DISC1: variants seen among roughly 807,000 people sequenced by gnomAD.
DISC1 encodes disrupted in schizophrenia 1 protein.
A neutral mutation model predicts 84.5 loss-of-function variants in DISC1; 57 were observed. The ratio of observed to expected loss-of-function variants is 0.67; its 90% CI spans 0.55 to 0.84. The LOEUF (loss-of-function observed/expected upper bound fraction) is 0.84, where lower values mean the gene tolerates loss of function less well. DISC1 is among the 40% of genes least tolerant of loss of function. The pLI is 0.00. For synonymous variants in DISC1, 411 were observed against 415.2 expected (o/e 0.99, Z 0.12); for missense variants, 1,000 against 1,057.8 (o/e 0.95, Z 0.76).
intron 8 of DISC1, among the ~76,000 whole-genome samples, chr1:231,817,666 T>A (rs1029532767): frequency 6.6e-5 from 10 of 152,192 alleles, no homozygotes; most frequent in African/African-American, 9.7e-5. Flanking sequence ...TTGTATTTTT[T>A]AAAAAATCAT....
In DISC1 at chr1:231,762,171, CCCTT is replaced by C. The variant is rs780649034; in HGVS notation, c.1269-4959_1269-4956del. ...CTTCTTTCTTTTTCTTTCTTTCTTT[CCCTT>C]CCTTCCTTCTTTTCTTTCTTTTCTT... On this transcript the variant is annotated intron_variant, in intron 4 of 12. Transcript: ENST00000439617. 6.0e-3 allele frequency among the ~76,000 whole-genome samples: 339 copies of C among 56,748 alleles called. 2 individuals are homozygous for C. Among genetic ancestry groups the C allele is most frequent in the Non-Finnish European group, 8.4e-3 (237 of 28,310 alleles). 37.2% of individuals were successfully genotyped at this position (56,748 alleles called of 152,430 possible). A position where few individuals can be genotyped will look rare whatever the true frequency, so the allele number is the denominator to read the frequency against.
At chr1:231,995,113 G>A (rs965020036) in intron 10 of DISC1, among the ~76,000 whole-genome samples, 4 of 152,144 alleles carry the variant, frequency 2.6e-5, no homozygotes, top group African/African-American at 9.6e-5. Context: ...TTAGAAAATA[G>A]AAGACAAAGG....
At chr1:231,752,334 TGGTGGAA>T (rs950207361) in intron 4 of DISC1, among the ~76,000 whole-genome samples, 1 of 152,046 alleles carries the variant, frequency 6.6e-6, no homozygotes, top group African/African-American at 2.4e-5. Context: ...CTTACAATCA[TGGTGGAA>T]GGTGAAAGGG....
chr1:231,827,456 AT>A (rs1278175002), intron 9 of DISC1, among the ~76,000 whole-genome samples: 4 of 152,112 alleles, frequency 2.6e-5, no homozygotes, highest in Non-Finnish European at 5.9e-5. Flanking sequence ...GGTAAGAAAT[AT>A]TTTGTTTTCC....
At chr1:231,883,746 C>T (rs539410869) in intron 9 of DISC1, among the ~76,000 whole-genome samples, 13 of 152,230 alleles carry the variant, frequency 8.5e-5, no homozygotes, top group African/African-American at 3.1e-4. Flanking sequence ...CACTTGCTGG[C>T]TTCTCTAACT....
intron 3 of DISC1, among the ~76,000 whole-genome samples, chr1:231,732,704 C>T (rs2071684067): frequency 6.6e-6 from 1 of 152,236 alleles, no homozygotes; most frequent in Non-Finnish European, 1.5e-5. Flanking sequence ...GAATGTTTCT[C>T]TTTCTCCAGT....
At chr1:231,799,715 T>C (rs2079036772) in intron 7 of DISC1, among the ~76,000 whole-genome samples, 1 of 151,550 alleles carries the variant, frequency 6.6e-6, no homozygotes, top group Non-Finnish European at 1.5e-5. Flanking sequence ...TACCTTGTGG[T>C]TGCTCTCTGT....
intron 1 of DISC1, among the ~76,000 whole-genome samples, chr1:231,654,849 T>C (rs948951493): frequency 2.2e-4 from 34 of 152,222 alleles, no homozygotes; most frequent in African/African-American, 7.5e-4. Flanking sequence ...CTCACCCTAA[T>C]ACCCTTTTCT....
At chr1:231,783,629 A>G (rs1445133526) in intron 6 of DISC1, among the ~76,000 whole-genome samples, 1 of 152,212 alleles carries the variant, frequency 6.6e-6, no homozygotes, top group Non-Finnish European at 1.5e-5. Flanking sequence ...ATTTTTGATG[A>G]AACTGGACTT....
chr1:232,021,704 A>G (rs1156390967), intron 11 of DISC1, among the ~76,000 whole-genome samples: 1 of 152,090 alleles, frequency 6.6e-6, no homozygotes, highest in Non-Finnish European at 1.5e-5. Flanking sequence ...CCCCTGTTTT[A>G]CCTACTATGG....
intron 1 of DISC1, among the ~76,000 whole-genome samples, chr1:231,676,117 G>A (rs1261286721): frequency 6.6e-6 from 1 of 152,190 alleles, no homozygotes; most frequent in African/African-American, 2.4e-5. Flanking sequence ...AAAATGCTGG[G>A]ATTACAGGCA....
chr1:231,850,379 T>C (rs1246460182), intron 9 of DISC1, among the ~76,000 whole-genome samples: 2 of 152,264 alleles, frequency 1.3e-5, no homozygotes, highest in Non-Finnish European at 2.9e-5. Context: ...CTGTTGCCTT[T>C]TGAAAGACAT....
At chr1:231,730,883 T>C (rs1440772795) in intron 3 of DISC1, among the ~76,000 whole-genome samples, 2 of 152,210 alleles carry the variant, frequency 1.3e-5, no homozygotes. Context: ...CTAAATTCAA[T>C]TAAAATGAAG....
chr1:231,717,350 A>G (rs980976754), intron 3 of DISC1, among the ~76,000 whole-genome samples: 1 of 152,222 alleles, frequency 6.6e-6, no homozygotes, highest in African/African-American at 2.4e-5. Context: ...AGAAAGTTAT[A>G]GGAGGGATTG....
chr1:231,781,131 C>T (rs1399062141), intron 6 of DISC1, among the ~76,000 whole-genome samples: 6 of 126,366 alleles, frequency 4.7e-5, no homozygotes, highest in Admixed American at 1.9e-4. Context: ...GCACAATGTG[C>T]ACATGTACCC....
At chr1:231,815,604 G>A (rs1301356690) in intron 8 of DISC1, among the ~76,000 whole-genome samples, 1 of 152,034 alleles carries the variant, frequency 6.6e-6, no homozygotes, top group Admixed American at 6.6e-5. Flanking sequence ...TGGGCGTGGT[G>A]GTGGGCACTT....
intron 2 of DISC1, among the ~76,000 whole-genome samples, chr1:231,699,819 C>T (rs2124863170): frequency 6.6e-6 from 1 of 152,352 alleles, no homozygotes; most frequent in Non-Finnish European, 1.5e-5. Context: ...CTTCTTGACA[C>T]AGTCCTCATT....
At chr1:231,845,186 T>G (rs1359012089) in intron 9 of DISC1, among the ~76,000 whole-genome samples, 1 of 152,142 alleles carries the variant, frequency 6.6e-6, no homozygotes, top group Non-Finnish European at 1.5e-5. Context: ...CTGGTTAAAT[T>G]TTAGAGTTCT....
intron 1 of DISC1, among the ~76,000 whole-genome samples, chr1:231,656,056 T>C (rs931736978): frequency 2.6e-5 from 4 of 152,230 alleles, no homozygotes; most frequent in Non-Finnish European, 4.4e-5. Flanking sequence ...GTGTGTTTAC[T>C]CTAATGATTA....
Sources: gnomAD v4.1 joint callset for allele counts (sites outside exome capture counted in the v4.1 genomes callset) on GRCh38, gnomAD v4.1.1 for gene constraint, MANE v1.5 for transcripts, NCBI Gene and HGNC (gene_info 2026-07-23, HGNC 2026-07-21) for gene names.